The following SMOC2 variants were observed in gnomAD, a reference collection of about 807,000 sequenced individuals.
SMOC2 encodes the protein SPARC-related modular calcium-binding protein 2.
Under a neutral mutation model 61.4 loss-of-function variants are expected in SMOC2, and 39 were observed. The observed-to-expected ratio is 0.64, with a 90% CI of 0.49 to 0.83. The LOEUF (loss-of-function observed/expected upper bound fraction) is 0.83. Among genes scored for constraint, SMOC2 ranks in the 40% least tolerant of loss-of-function variants. SMOC2 has a pLI of 0.00. For missense variants in SMOC2, 556 were observed against 592.9 expected (o/e 0.94, Z 0.65); for synonymous variants, 247 against 239.9 (o/e 1.03, Z -0.27).
intron 12 of SMOC2, chr6:168,664,324 G>A: frequency 2.3e-6 from 1 of 441,898 alleles, no homozygotes; most frequent in East Asian, 6.2e-5. Flanking sequence ...TTTGAAAAAA[G>A]TTTATTATTT....
At chr6:168,560,503 T>C (rs10945514) in intron 7 of SMOC2, among the ~76,000 whole-genome samples, 31,049 of 87,744 alleles carry the variant, frequency 0.35, 4,283 homozygotes, top group East Asian at 0.49. Context: ...GGCCCTGAGA[T>C]GTGAGGCTCT....
At chr6:168,467,362 A>C (rs1472703342) in intron 1 of SMOC2, among the ~76,000 whole-genome samples, 1 of 151,114 alleles carries the variant, frequency 6.6e-6, no homozygotes, top group Non-Finnish European at 1.5e-5. Context: ...GCTGGAGTGC[A>C]GTGGAGCAAT....
At chr6:168,442,943 A>C (rs1475826279) in intron 1 of SMOC2, among the ~76,000 whole-genome samples, 1 of 152,220 alleles carries the variant, frequency 6.6e-6, no homozygotes, top group African/African-American at 2.4e-5. Context: ...CCCTCAGAGG[A>C]TACTCACTGG....
At position 168,664,382 on chromosome 6, in the gene SMOC2, ATCTTTTT is replaced by A. The variant is rs777259615; in HGVS notation, c.1323+273_1323+279del. The A allele has an allele frequency of 1.1e-3, 323 of 302,342 alleles. 1 individual carries two copies. The highest frequency in any genetic ancestry group is 3.2e-3 in the African/African-American group (73 of 23,134). 18.7% of individuals were successfully genotyped at this position (302,342 alleles called of 1,614,324 possible). A position where few individuals can be genotyped will look rare whatever the true frequency, so the allele number is the denominator to read the frequency against. On this transcript the variant is annotated intron_variant, in intron 12 of 12. Coordinates refer to ENST00000356284, the MANE Select transcript of SMOC2 (RefSeq NM_001166412.2). ...ATTTCTGAGTTTCCTTGTTTGGTAG[ATCTTTTT>A]TTTTTTTTTTTTTTTTTTTTTTTTT...
At chr6:168,565,792 G>A (rs1288580186) in intron 7 of SMOC2, among the ~76,000 whole-genome samples, 5 of 152,188 alleles carry the variant, frequency 3.3e-5, no homozygotes, top group African/African-American at 1.2e-4. Flanking sequence ...GGTCCCAGCT[G>A]TCTTCCCAGT....
At chr6:168,518,602 CAT>C (rs761919301) in intron 2 of SMOC2, among the ~76,000 whole-genome samples, 17 of 138,350 alleles carry the variant, frequency 1.2e-4, no homozygotes, top group Non-Finnish European at 2.0e-4. Flanking sequence ...AATGTGTGTT[CAT>C]GTGTGTGCAT....
intron 9 of SMOC2, among the ~76,000 whole-genome samples, chr6:168,630,068 G>A (rs889006380): frequency 2.6e-5 from 4 of 152,126 alleles, no homozygotes; most frequent in African/African-American, 9.7e-5. Flanking sequence ...GGCATCTGAA[G>A]AAACCTTGAG....
At chr6:168,455,874 C>T (rs1238654860) in intron 1 of SMOC2, among the ~76,000 whole-genome samples, 1 of 152,236 alleles carries the variant, frequency 6.6e-6, no homozygotes, top group African/African-American at 2.4e-5. Context: ...CCTCGTATCT[C>T]AACAGCATTA....
At chr6:168,574,211 G>A (rs59291571) in intron 7 of SMOC2, among the ~76,000 whole-genome samples, 6,347 of 152,368 alleles carry the variant, frequency 0.042, 197 homozygotes, top group Non-Finnish European at 0.062. Flanking sequence ...GATGGGAGTG[G>A]TGTGGCAGCG....
At chr6:168,594,321 G>T (rs1785258344) in intron 7 of SMOC2, among the ~76,000 whole-genome samples, 1 of 41,956 alleles carries the variant, frequency 2.4e-5, no homozygotes, top group African/African-American at 7.7e-5. Context: ...CTCACGAGGG[G>T]CATCTTTCTA....
intron 2 of SMOC2, among the ~76,000 whole-genome samples, chr6:168,516,957 A>G (rs912391531): frequency 1.3e-5 from 2 of 152,146 alleles, no homozygotes; most frequent in Non-Finnish European, 2.9e-5. Flanking sequence ...CCGTCTGAAG[A>G]AAAAAGGTTA....
chr6:168,540,164 C>T (rs1248735982), intron 4 of SMOC2, among the ~76,000 whole-genome samples: 2 of 152,354 alleles, frequency 1.3e-5, no homozygotes, highest in Non-Finnish European at 2.9e-5. Flanking sequence ...GCGTCCCTGC[C>T]GTCGTTTCCT....
chr6:168,599,702 A>C lies in SMOC2; in HGVS notation c.824+698A>C, dbSNP rs561032933. Among the ~76,000 whole-genome samples, 216 of 134,102 alleles carry C rather than the reference A, an allele frequency of 1.6e-3. 1 individual carries two copies. Among genetic ancestry groups the C allele is most frequent in the Middle Eastern group, 9.8e-3 (2 of 204 alleles). 88.0% of individuals were successfully genotyped at this position (134,102 alleles called of 152,430 possible). A position where few individuals can be genotyped will look rare whatever the true frequency, so the allele number is the denominator to read the frequency against. ...CACACTCTCACACTCTCACACACAC[A>C]CCCACAGTCACACACAACCACTAAT... On this transcript the variant is annotated intron_variant, in intron 8 of 12. Coordinates refer to ENST00000356284, the MANE Select transcript of SMOC2 (RefSeq NM_001166412.2).
intron 1 of SMOC2, among the ~76,000 whole-genome samples, chr6:168,500,412 C>T (rs866338470): frequency 1.8e-4 from 27 of 151,952 alleles, no homozygotes; most frequent in African/African-American, 6.0e-4. Context: ...GTGTTTTGTA[C>T]TTGGTGTTGG....
chr6:168,633,255 A>T (rs141407307), intron 9 of SMOC2, among the ~76,000 whole-genome samples: 2 of 152,324 alleles, frequency 1.3e-5, no homozygotes, highest in East Asian at 3.9e-4. Context: ...TGCTATTTGA[A>T]AGCTTCAGAA....
intron 11 of SMOC2, among the ~76,000 whole-genome samples, chr6:168,659,356 G>C (rs554496063): frequency 6.6e-6 from 1 of 152,038 alleles, no homozygotes; most frequent in South Asian, 2.1e-4. Flanking sequence ...GGGAGCAAGG[G>C]ACTGGCCCTG....
At chr6:168,484,976 CAG>C (rs1298279180) in intron 1 of SMOC2, among the ~76,000 whole-genome samples, 3 of 151,990 alleles carry the variant, frequency 2.0e-5, no homozygotes, top group African/African-American at 4.8e-5. Flanking sequence ...TTGATGGAGA[CAG>C]GGGTTGAGCT....
At position 168,474,661 on chromosome 6, in the gene SMOC2, C is replaced by A. The variant is rs188749532; in HGVS notation, c.84+33207C>A. Among the ~76,000 whole-genome samples, 16 of 152,240 alleles carry A rather than the reference C, an allele frequency of 1.1e-4. No individual in the cohort carries two copies. The East Asian group carries it at 3.1e-3, about 29-fold the overall frequency. On this transcript the variant is annotated intron_variant, in intron 1 of 12. Transcript: ENST00000356284. ...TCCTTGATAGCGCCACAGCCAAGACCACCAGGCACAGCTGCGCAGGCTGTG... is the reference window on the plus strand; with the variant it reads ...TCCTTGATAGCGCCACAGCCAAGACAACCAGGCACAGCTGCGCAGGCTGTG...
intron 1 of SMOC2, among the ~76,000 whole-genome samples, chr6:168,478,069 G>A (rs777528121): frequency 4.4e-4 from 67 of 152,304 alleles, no homozygotes; most frequent in Non-Finnish European, 4.3e-4. Context: ...GGCATGCCAT[G>A]CTCTGACAGT....
Sources: gnomAD v4.1 joint callset for allele counts (sites outside exome capture counted in the v4.1 genomes callset) on GRCh38, gnomAD v4.1.1 for gene constraint, MANE v1.5 for transcripts, NCBI Gene and HGNC (gene_info 2026-07-23, HGNC 2026-07-21) for gene names.